LRP1B: variants seen among roughly 807,000 people sequenced by gnomAD.
The protein encoded by LRP1B is LDL receptor related protein 1B.
LRP1B carries 217 observed loss-of-function variants against 556.6 expected under a neutral mutation model. That is an observed-to-expected ratio of 0.39 (90% CI 0.35 to 0.44). The LOEUF (loss-of-function observed/expected upper bound fraction) is 0.44, where lower values mean the gene tolerates loss of function less well. Among genes scored for constraint, LRP1B ranks in the 20% least tolerant of loss-of-function variants. The probability of loss-of-function intolerance (pLI) is 1.00; values close to 1 mark genes in which losing one functional copy is unlikely to be tolerated. For missense variants in LRP1B, 5,053 were observed against 5,620.8 expected, an observed-to-expected ratio of 0.90 and a Z score of 3.23; for synonymous variants, 2,047 against 1,865.8, an observed-to-expected ratio of 1.10 and a Z score of -2.50.
At chr2:141,201,507 C>G (rs1409815013) in intron 6 of LRP1B, among the ~76,000 whole-genome samples, 1 of 152,094 alleles carries the variant, frequency 6.6e-6, no homozygotes, top group African/African-American at 2.4e-5. Context: ...TACCAATTAC[C>G]TTGACAACTT....
chr2:141,084,894 C>T (rs575686763), intron 7 of LRP1B, among the ~76,000 whole-genome samples: 12 of 152,208 alleles, frequency 7.9e-5, no homozygotes, highest in African/African-American at 2.9e-4. Flanking sequence ...CGTGATCCGC[C>T]CGCCTCGGCC....
chr2:141,358,643 C>G (rs1160685211), intron 3 of LRP1B, among the ~76,000 whole-genome samples: 1 of 152,188 alleles, frequency 6.6e-6, no homozygotes, highest in Non-Finnish European at 1.5e-5. Flanking sequence ...ATTGTTAGTT[C>G]TACGAAATTG....
chr2:141,074,780 C>T (rs1699745043), intron 7 of LRP1B, among the ~76,000 whole-genome samples: 1 of 151,824 alleles, frequency 6.6e-6, no homozygotes, highest in Admixed American at 6.6e-5. Flanking sequence ...TAGAAAAATA[C>T]ATTTTCCAGA....
chr2:141,637,102 T>C (rs941821775), intron 2 of LRP1B, among the ~76,000 whole-genome samples: 13 of 152,146 alleles, frequency 8.5e-5, no homozygotes, highest in African/African-American at 3.1e-4. Context: ...GCATGTGAAC[T>C]ATGACAGAAA....
chr2:140,824,032 A>G (rs1191533475), intron 31 of LRP1B, among the ~76,000 whole-genome samples: 2 of 151,890 alleles, frequency 1.3e-5, no homozygotes, highest in Non-Finnish European at 2.9e-5. Flanking sequence ...TGAACAACAA[A>G]CCTCAATGAC....
At chr2:142,044,775 C>T (rs910101312) in intron 1 of LRP1B, among the ~76,000 whole-genome samples, 4 of 124,482 alleles carry the variant, frequency 3.2e-5, no homozygotes, top group African/African-American at 8.2e-5. Flanking sequence ...TACAGAAACA[C>T]GCAATTAACA....
At chr2:141,414,834 C>A (rs1477413565) in intron 3 of LRP1B, among the ~76,000 whole-genome samples, 1 of 152,128 alleles carries the variant, frequency 6.6e-6, no homozygotes, top group Non-Finnish European at 1.5e-5. Flanking sequence ...TGGTTTGCAA[C>A]CAAAGAACCC....
chr2:141,905,317 C>G lies in LRP1B; in HGVS notation c.83-94916G>C, dbSNP rs1332677351. ...AGTTGAATGGAGATAACGAAGTAAG[C>G]TAGAGAACAGAGTTAACATAAAGAG... On this transcript the variant is annotated intron_variant, in intron 1 of 90. Coordinates refer to ENST00000389484, the MANE Select transcript of LRP1B (RefSeq NM_018557.3). Among the ~76,000 whole-genome samples the G allele has an allele frequency of 2.6e-5, 4 of 151,662 alleles. No individual in the cohort carries two copies. In the East Asian group the frequency reaches 7.8e-4, roughly 29 times the overall value.
At chr2:140,452,930 GC>G (rs1313670250) in intron 62 of LRP1B, among the ~76,000 whole-genome samples, 1 of 146,730 alleles carries the variant, frequency 6.8e-6, no homozygotes, top group African/African-American at 2.5e-5. Flanking sequence ...TATTTGCTTA[GC>G]TTGTACATGT....
intron 2 of LRP1B, among the ~76,000 whole-genome samples, chr2:141,758,416 T>C (rs999928849): frequency 2.0e-5 from 3 of 152,198 alleles, no homozygotes; most frequent in Non-Finnish European, 4.4e-5. Flanking sequence ...TCTTAAGTTC[T>C]GCATGAGTCC....
At chr2:141,704,674 G>C (rs1692072940) in intron 2 of LRP1B, among the ~76,000 whole-genome samples, 1 of 151,854 alleles carries the variant, frequency 6.6e-6, no homozygotes, top group Non-Finnish European at 1.5e-5. Context: ...CAGACTAGAT[G>C]CCTGAAAGCA....
intron 18 of LRP1B, among the ~76,000 whole-genome samples, chr2:140,979,031 T>G (rs1696686274): frequency 6.6e-6 from 1 of 152,076 alleles, no homozygotes; most frequent in African/African-American, 2.4e-5. Context: ...CAGGCTGGAG[T>G]GGAGTGGCAC....
intron 6 of LRP1B, among the ~76,000 whole-genome samples, chr2:141,223,897 G>T (rs1467030560): frequency 6.6e-6 from 1 of 152,090 alleles, no homozygotes; most frequent in Non-Finnish European, 1.5e-5. Flanking sequence ...ATGGATTAAA[G>T]ATTTAAATGT....
At chr2:140,787,588 T>TTTTTA (rs1689952927) in intron 32 of LRP1B, among the ~76,000 whole-genome samples, 2 of 86,578 alleles carry the variant, frequency 2.3e-5, no homozygotes, top group South Asian at 4.3e-4. Flanking sequence ...TTTTTTTTTT[T>TTTTTA]GAGACAGGTT....
intron 86 of LRP1B, among the ~76,000 whole-genome samples, chr2:140,252,928 G>A (rs767953299): frequency 1.6e-4 from 25 of 151,964 alleles, no homozygotes; most frequent in South Asian, 8.3e-4. Context: ...AATTTTGAAC[G>A]TCTACAGCAA....
intron 3 of LRP1B, among the ~76,000 whole-genome samples, chr2:141,383,479 G>T (rs184408360): frequency 1.3e-5 from 2 of 152,262 alleles, no homozygotes; most frequent in East Asian, 3.9e-4. Context: ...ATCAATGGTT[G>T]AATGGATAAA....
chr2:141,885,133 A>G (rs781448020), intron 1 of LRP1B, among the ~76,000 whole-genome samples: 2 of 152,232 alleles, frequency 1.3e-5, no homozygotes, highest in Non-Finnish European at 2.9e-5. Context: ...AATTTTATGA[A>G]CTATATCAGA....
intron 35 of LRP1B, among the ~76,000 whole-genome samples, chr2:140,743,216 T>C (rs1185129846): frequency 2.0e-5 from 3 of 152,202 alleles, no homozygotes; most frequent in Non-Finnish European, 4.4e-5. Context: ...TTAAATATAA[T>C]GTGCAGCTCT....
chr2:141,878,610 G>C (rs1422089598), intron 1 of LRP1B, among the ~76,000 whole-genome samples: 1 of 151,860 alleles, frequency 6.6e-6, no homozygotes, highest in Non-Finnish European at 1.5e-5. Context: ...CCCCTTTTGA[G>C]GTGTTGATAA....
Sources: allele counts gnomAD v4.1 joint callset (sites outside exome capture counted in the v4.1 genomes callset), GRCh38; gene constraint gnomAD v4.1.1; transcripts MANE v1.5; gene names NCBI Gene and HGNC (gene_info 2026-07-23, HGNC 2026-07-21).